FBXL17: variants seen among roughly 807,000 people sequenced by gnomAD.
The protein encoded by FBXL17 is F-box/LRR-repeat protein 17.
In FBXL17, 22 loss-of-function variants were observed where a neutral mutation model predicts 66.2. The observed-to-expected ratio is 0.33, with a 90% confidence interval of 0.24 to 0.47. FBXL17 has a LOEUF of 0.47. FBXL17 is among the 20% of genes least tolerant of loss of function. The pLI, the probability that FBXL17 is intolerant of heterozygous loss-of-function variation, is 1.00. For missense variants in FBXL17, 878 were observed against 948.2 expected (o/e 0.93, Z 0.97); for synonymous variants, 474 against 400.5 (o/e 1.18, Z -2.19).
At chr5:108,349,642 T>C (rs890094388) in intron 3 of FBXL17, among the ~76,000 whole-genome samples, 7 of 152,134 alleles carry the variant, frequency 4.6e-5, no homozygotes, top group Non-Finnish European at 1.0e-4. Flanking sequence ...CCCGATATCT[T>C]ACACTTAGTT....
chr5:108,097,089 T>TG (rs1749397005), intron 6 of FBXL17, among the ~76,000 whole-genome samples: 1 of 152,118 alleles, frequency 6.6e-6, no homozygotes, highest in African/African-American at 2.4e-5. Flanking sequence ...GAATGGATCA[T>TG]GGGGGCAGTT....
At chr5:108,272,066 G>A (rs1209974497) in intron 4 of FBXL17, among the ~76,000 whole-genome samples, 2 of 152,102 alleles carry the variant, frequency 1.3e-5, no homozygotes, top group Non-Finnish European at 2.9e-5. Flanking sequence ...CGAGATGGGA[G>A]GATCACGAGG....
intron 6 of FBXL17, among the ~76,000 whole-genome samples, chr5:108,025,727 G>GCGCACACA (rs370886256): frequency 3.5e-5 from 5 of 141,164 alleles, no homozygotes; most frequent in African/African-American, 1.3e-4. Context: ...ACGCGCGCGC[G>GCGCACACA]CACACACACA....
chr5:108,371,366 G>A (rs974316902), intron 1 of FBXL17, among the ~76,000 whole-genome samples: 1 of 152,202 alleles, frequency 6.6e-6, no homozygotes, highest in Admixed American at 6.5e-5. Context: ...AGCACAGGTG[G>A]CTGTATCTCT....
At chr5:107,905,184 G>A (rs1366931554) in intron 7 of FBXL17, among the ~76,000 whole-genome samples, 1 of 152,034 alleles carries the variant, frequency 6.6e-6, no homozygotes, top group Non-Finnish European at 1.5e-5. Context: ...TTGAATAGAT[G>A]AGAAAAATTT....
intron 7 of FBXL17, among the ~76,000 whole-genome samples, chr5:107,951,747 T>A (rs763537496): frequency 6.6e-6 from 1 of 152,194 alleles, no homozygotes; most frequent in Non-Finnish European, 1.5e-5. Context: ...AAACAAGTTG[T>A]TGTGAGGATT....
At position 108,263,081 on chromosome 5, in the gene FBXL17, G is replaced by A. The variant is rs542748380; in HGVS notation, c.1507-38853C>T. On this transcript the variant is annotated intron_variant, in intron 4 of 8. Coordinates refer to ENST00000542267, the MANE Select transcript of FBXL17 (RefSeq NM_001163315.3). ...TCTCATTACTCACTACCCAAAACTC[G>A]TGAACCATATATAACCAATTAATTG... Among the ~76,000 whole-genome samples the A allele has an allele frequency of 1.3e-4, 20 of 152,084 alleles. No homozygotes were observed. In the South Asian group the frequency reaches 2.3e-3, roughly 17 times the overall value.
chr5:107,975,519 G>C (rs895089740), intron 7 of FBXL17, among the ~76,000 whole-genome samples: 2 of 152,054 alleles, frequency 1.3e-5, no homozygotes, highest in Non-Finnish European at 2.9e-5. Flanking sequence ...CGGTATTCAA[G>C]ATTAAAGATG....
intron 7 of FBXL17, among the ~76,000 whole-genome samples, chr5:107,945,255 G>A (rs1332802764): frequency 6.6e-6 from 1 of 152,064 alleles, no homozygotes; most frequent in Non-Finnish European, 1.5e-5. Flanking sequence ...AAAAAGTCTG[G>A]CAACATCAAT....
rs954599191 is a variant in FBXL17 at position 108,044,482 on chromosome 5, C to A, written c.1746-23481G>T. Among the ~76,000 whole-genome samples the A allele has an allele frequency of 3.9e-5, 6 of 152,088 alleles. 1 individual carries two copies. Among genetic ancestry groups the A allele is most frequent in the African/African-American group, 1.4e-4 (6 of 41,418 alleles). ...TTTGAATACCAAACCAGCCTTGAAT[C>A]CCGGGAATAAATTCCAGTTGGCCAT... On this transcript the variant is annotated intron_variant, in intron 6 of 8. Coordinates refer to ENST00000542267, the MANE Select transcript of FBXL17 (RefSeq NM_001163315.3).
At chr5:107,974,857 T>C (rs1752517723) in intron 7 of FBXL17, among the ~76,000 whole-genome samples, 2 of 152,170 alleles carry the variant, frequency 1.3e-5, no homozygotes, top group South Asian at 2.1e-4. Flanking sequence ...AAAAGGAACA[T>C]GTATCAAAAG....
chr5:107,988,116 A>T (rs1293929502), intron 7 of FBXL17, among the ~76,000 whole-genome samples: 1 of 152,026 alleles, frequency 6.6e-6, no homozygotes, highest in African/African-American at 2.4e-5. Flanking sequence ...TTCTCATTTT[A>T]AAAAATATAA....
chr5:108,378,604 TCAC>T (rs150387071), intron 1 of FBXL17, among the ~76,000 whole-genome samples: 2,317 of 152,268 alleles, frequency 0.015, 54 homozygotes, highest in African/African-American at 0.051. Context: ...CAGAATCCTT[TCAC>T]CACCACATGG....
chr5:108,161,325 T>C (rs1483669327), intron 6 of FBXL17, among the ~76,000 whole-genome samples: 2 of 151,618 alleles, frequency 1.3e-5, no homozygotes, highest in Middle Eastern at 3.2e-3. Context: ...TCTACTAAAA[T>C]ACAAAAAAAA....
chr5:107,863,651 A>AT (rs1264093892), intron 8 of FBXL17, among the ~76,000 whole-genome samples: 8 of 152,210 alleles, frequency 5.3e-5, no homozygotes, highest in African/African-American at 1.7e-4. Flanking sequence ...TCTAAGATCT[A>AT]TAAGAACTAT....
At chr5:107,909,388 T>C (rs777855755) in intron 7 of FBXL17, among the ~76,000 whole-genome samples, 5 of 152,136 alleles carry the variant, frequency 3.3e-5, no homozygotes, top group Non-Finnish European at 5.9e-5. Context: ...GCATATTCTT[T>C]AGATTAACAG....
intron 6 of FBXL17, among the ~76,000 whole-genome samples, chr5:108,181,665 T>A (rs1425822585): frequency 6.6e-6 from 1 of 152,194 alleles, no homozygotes; most frequent in East Asian, 1.9e-4. Flanking sequence ...TATCTTAATG[T>A]GAGAAATCCT....
chr5:107,928,823 G>A (rs1460141387), intron 7 of FBXL17, among the ~76,000 whole-genome samples: 1 of 152,116 alleles, frequency 6.6e-6, no homozygotes, highest in Non-Finnish European at 1.5e-5. Context: ...GTCTCTAAGT[G>A]TAAGCAGCCA....
chr5:108,141,300 C>T (rs980433813), intron 6 of FBXL17, among the ~76,000 whole-genome samples: 1 of 152,172 alleles, frequency 6.6e-6, no homozygotes, highest in Non-Finnish European at 1.5e-5. Context: ...GATCCCCTCC[C>T]TTGACCCACC....
Sources: allele counts gnomAD v4.1 joint callset (sites outside exome capture counted in the v4.1 genomes callset), GRCh38; gene constraint gnomAD v4.1.1; transcripts MANE v1.5; gene names NCBI Gene and HGNC (gene_info 2026-07-23, HGNC 2026-07-21).